Variants in PPP4R3B observed in about 807,000 individuals in gnomAD.
The protein encoded by PPP4R3B is serine/threonine-protein phosphatase 4 regulatory subunit 3B.
Under a neutral mutation model 95.4 loss-of-function variants are expected in PPP4R3B, and 52 were observed. The ratio of observed to expected loss-of-function variants is 0.54; its 90% CI spans 0.44 to 0.69. The LOEUF is 0.69. Ranked by LOEUF, PPP4R3B falls within the 30% of genes least tolerant of loss-of-function variation. PPP4R3B has a pLI of 0.00. For missense variants in PPP4R3B, 1,003 were observed against 1,005.9 expected, an observed-to-expected ratio of 1.00 and a Z score of 0.04; for synonymous variants, 407 against 343.9, an observed-to-expected ratio of 1.18 and a Z score of -2.03.
intron 15 of PPP4R3B, among the ~76,000 whole-genome samples, chr2:55,561,501 C>A (rs1686617228): frequency 6.6e-6 from 1 of 152,212 alleles, no homozygotes; most frequent in Non-Finnish European, 1.5e-5. Context: ...TTGCACCATG[C>A]ACCTGGAAAA....
At chr2:55,608,556 C>G (rs142691487) in intron 2 of PPP4R3B, among the ~76,000 whole-genome samples, 2 of 152,206 alleles carry the variant, frequency 1.3e-5, no homozygotes, top group African/African-American at 4.8e-5. Flanking sequence ...CCAACATTAT[C>G]TTTTGCTTGG....
At chr2:55,576,887 T>G (rs1245440098) in intron 11 of PPP4R3B, among the ~76,000 whole-genome samples, 3 of 152,174 alleles carry the variant, frequency 2.0e-5, no homozygotes, top group African/African-American at 7.2e-5. Context: ...GGACGGTAGG[T>G]GCACACAGCA....
At position 55,617,545 on chromosome 2, in the gene PPP4R3B, C is replaced by T. The variant is rs1572775961; in HGVS notation, c.-260G>A. 1 of 383,272 alleles carries T rather than the reference C, an allele frequency of 2.6e-6. No homozygotes were observed. Among genetic ancestry groups the T allele is most frequent in the African/African-American group, 2.1e-5 (1 of 48,522 alleles). The allele number at this position is 383,272 out of a possible 1,614,324, so 23.7% of individuals were successfully genotyped here. A position where few individuals can be genotyped will look rare whatever the true frequency, so the allele number is the denominator to read the frequency against. On this transcript the variant is annotated 5_prime_UTR_variant, in exon 1 of 17. Coordinates refer to ENST00000616407, the MANE Select transcript of PPP4R3B (RefSeq NM_001122964.3). ...TCTCCCGTCTCTTTGCCCCCCAGGG[C>T]TCGCTTGCTCTCCCGCCGCCGCGGT...
intron 11 of PPP4R3B, among the ~76,000 whole-genome samples, chr2:55,574,351 T>C (rs900912733): frequency 6.6e-6 from 1 of 151,838 alleles, no homozygotes; most frequent in African/African-American, 2.4e-5. Context: ...TAAAAATATA[T>C]GAACATGATA....
At chr2:55,586,799 A>C (rs1213932653) in intron 5 of PPP4R3B, 65 bp from the exon 6 acceptor site, 4 of 935,420 alleles carry the variant, frequency 4.3e-6, no homozygotes, top group Non-Finnish European at 5.0e-6. Flanking sequence ...TATAGTAATC[A>C]TCTACCATGG....
At chr2:55,617,112 T>C (rs766305413) in intron 1 of PPP4R3B, 32 bp downstream of exon 1, 26 of 1,582,226 alleles carry the variant, frequency 1.6e-5, no homozygotes, top group Non-Finnish European at 2.2e-5. Flanking sequence ...CCAGAGGCAC[T>C]ATCCCCTATT....
At chr2:55,569,621 CCT>C (rs1687739664) in intron 12 of PPP4R3B, among the ~76,000 whole-genome samples, 1 of 152,168 alleles carries the variant, frequency 6.6e-6, no homozygotes, top group South Asian at 2.1e-4. Context: ...GGAGGAGCCC[CCT>C]GTCCAGTGGA....
At chr2:55,559,347 A>G (rs1686284257) in intron 15 of PPP4R3B, among the ~76,000 whole-genome samples, 1 of 151,650 alleles carries the variant, frequency 6.6e-6, no homozygotes, top group Admixed American at 6.6e-5. Context: ...ACTCCGTCTC[A>G]AAAAAAACCA....
intron 3 of PPP4R3B, among the ~76,000 whole-genome samples, chr2:55,602,400 G>C (rs892091367): frequency 6.6e-6 from 1 of 152,174 alleles, no homozygotes; most frequent in Non-Finnish European, 1.5e-5. Context: ...CCCCAGAGAG[G>C]TAAACTCTAA....
Position 55,579,669 on chromosome 2 carries a change from G to T in PPP4R3B, c.1468+10C>A, listed in dbSNP as rs776571908. 1 of 1,521,840 alleles carries T rather than the reference G, an allele frequency of 6.6e-7. No individual in the cohort carries two copies. The highest frequency in any genetic ancestry group is 1.3e-5 in the South Asian group (1 of 75,522). The allele number at this position is 1,521,840 out of a possible 1,614,324, so 94.3% of individuals were successfully genotyped here. A position where few individuals can be genotyped will look rare whatever the true frequency, so the allele number is the denominator to read the frequency against. ...ACAGAAATCACAGCAGATAAATAAA[G>T]AGACCCTACCCTTTTCACATTTGTC... On this transcript the variant is annotated intron_variant, in intron 9 of 16. Transcript: ENST00000616407.
chr2:55,616,233 TTAAA>T (rs1333585581), intron 1 of PPP4R3B, among the ~76,000 whole-genome samples: 2 of 152,150 alleles, frequency 1.3e-5, no homozygotes, highest in African/African-American at 2.4e-5. Context: ...ATGACAGGGA[TTAAA>T]TACTTAGTAT....
chr2:55,550,618 C>T (rs1328912165), intron 16 of PPP4R3B, among the ~76,000 whole-genome samples: 1 of 152,142 alleles, frequency 6.6e-6, no homozygotes, highest in Non-Finnish European at 1.5e-5. Context: ...CCTAGAAAAA[C>T]TCTGGGTACT....
intron 2 of PPP4R3B, among the ~76,000 whole-genome samples, chr2:55,609,145 C>T (rs1332492340): frequency 6.6e-6 from 1 of 152,038 alleles, no homozygotes; most frequent in African/African-American, 2.4e-5. Context: ...AAGGAGGTTA[C>T]CTTGTAGCTA....
chr2:55,587,304 C>T (rs72803573), intron 5 of PPP4R3B, among the ~76,000 whole-genome samples: 5,553 of 152,308 alleles, frequency 0.036, 145 homozygotes, highest in South Asian at 0.09. Flanking sequence ...TGACATCTGG[C>T]GGGGCACAGT....
chr2:55,561,247 G>C (rs1054760652), intron 15 of PPP4R3B, among the ~76,000 whole-genome samples: 1 of 152,204 alleles, frequency 6.6e-6, no homozygotes, highest in East Asian at 1.9e-4. Context: ...CAAGAACTGA[G>C]GTTTGGTAAC....
Position 55,549,535 on chromosome 2 carries a change from C to T in PPP4R3B, c.*376G>A. ...ACAAGTAATGTTATTGAGTTTACAACTGAAGTTCTGTAAAATTGTTTCTAG... is the reference window on the plus strand; with the variant it reads ...ACAAGTAATGTTATTGAGTTTACAATTGAAGTTCTGTAAAATTGTTTCTAG... On this transcript the variant is annotated 3_prime_UTR_variant, in exon 17 of 17. Coordinates refer to ENST00000616407, the MANE Select transcript of PPP4R3B (RefSeq NM_001122964.3). 1 of 178,086 alleles carries T rather than the reference C, an allele frequency of 5.6e-6. No individual in the cohort carries two copies. Among genetic ancestry groups the T allele is most frequent in the Non-Finnish European group, 1.2e-5 (1 of 84,518 alleles). 11.0% of individuals were successfully genotyped at this position (178,086 alleles called of 1,614,324 possible).
chr2:55,582,734 C>T (rs1454206273), intron 7 of PPP4R3B, among the ~76,000 whole-genome samples: 1 of 152,080 alleles, frequency 6.6e-6, no homozygotes, highest in Non-Finnish European at 1.5e-5. Flanking sequence ...GAGCATAAAT[C>T]TTTAAAATAT....
At chr2:55,614,391 C>T (rs1300031253) in intron 2 of PPP4R3B, 1 of 152,140 alleles carries the variant, frequency 6.6e-6, no homozygotes, top group African/African-American at 2.4e-5. Context: ...GTATGTCATA[C>T]ATAAGAATAC....
At chr2:55,591,836 T>A (rs779427868) in intron 4 of PPP4R3B, 5 of 184,566 alleles carry the variant, frequency 2.7e-5, no homozygotes, top group Non-Finnish European at 5.1e-5. Flanking sequence ...TGTTCCAATA[T>A]ATTTATGAAG....
Sources: allele counts gnomAD v4.1 joint callset (sites outside exome capture counted in the v4.1 genomes callset), GRCh38; gene constraint gnomAD v4.1.1; transcripts MANE v1.5; gene names NCBI Gene and HGNC (gene_info 2026-07-23, HGNC 2026-07-21).